PTPRN2: variants seen among roughly 807,000 people sequenced by gnomAD.
PTPRN2 encodes receptor-type tyrosine-protein phosphatase N2.
A neutral mutation model predicts 118.8 loss-of-function variants in PTPRN2; 74 were observed. The observed-to-expected ratio is 0.62, with a 90% CI of 0.52 to 0.76. The LOEUF (loss-of-function observed/expected upper bound fraction) is 0.76, where lower values mean the gene tolerates loss of function less well. Ranked by LOEUF, PTPRN2 falls within the 30% of genes least tolerant of loss-of-function variation. PTPRN2 has a pLI of 0.00. For missense variants in PTPRN2, 1,481 were observed against 1,394.4 expected (o/e 1.06, Z -0.99); for synonymous variants, 641 against 608.0 (o/e 1.05, Z -0.80).
intron 9 of PTPRN2, among the ~76,000 whole-genome samples, chr7:158,124,875 G>A (rs1424524976): frequency 1.3e-5 from 2 of 152,206 alleles, no homozygotes; most frequent in Admixed American, 6.5e-5. Flanking sequence ...TGGTTTTGTC[G>A]AGTCCTCTTT....
Position 158,102,912 on chromosome 7 carries a change from C to T in PTPRN2, c.1643+7917G>A, listed in dbSNP as rs1180024769. 2.6e-5 allele frequency among the ~76,000 whole-genome samples: 4 copies of T among 152,166 alleles called. No individual in the cohort carries two copies. In the East Asian group the frequency reaches 7.7e-4, roughly 29 times the overall value. On this transcript the variant is annotated intron_variant, in intron 10 of 22. Coordinates refer to ENST00000389418, the MANE Select transcript of PTPRN2 (RefSeq NM_002847.5). The stretch of plus-strand genomic sequence containing the variant: ...CTGCAGACCCGGGAGGACACACCCC[C>T]AGGACAGTACCTCATGCTCCTCAGC...
intron 3 of PTPRN2, among the ~76,000 whole-genome samples, chr7:158,272,875 A>G (rs1228426703): frequency 2.0e-5 from 3 of 152,178 alleles, no homozygotes. Flanking sequence ...GGAGGAAGCT[A>G]CAGTCAATAG....
At chr7:158,113,850 C>G (rs73512359) in intron 9 of PTPRN2, among the ~76,000 whole-genome samples, 1 of 152,076 alleles carries the variant, frequency 6.6e-6, no homozygotes, top group African/African-American at 2.4e-5. Flanking sequence ...CGTAGCAATC[C>G]GGGACCAGCT....
chr7:157,986,313 C>T lies in PTPRN2; in HGVS notation c.1724-87576G>A, dbSNP rs968952500. 4.6e-5 allele frequency among the ~76,000 whole-genome samples: 7 copies of T among 152,328 alleles called. No homozygotes were observed. Among genetic ancestry groups the T allele is most frequent in the South Asian group, 2.1e-4 (1 of 4,818 alleles). On this transcript the variant is annotated intron_variant, in intron 11 of 22. Coordinates refer to ENST00000389418, the MANE Select transcript of PTPRN2 (RefSeq NM_002847.5). The surrounding 1 kb of genome is among the most constrained non-coding windows in gnomAD (Gnocchi z 4.5). Reference sequence around the variant, plus strand: ...CAAGACTGCCAAGCGGATGAGGCTTCGCTTTAGGACCATGGACTCTGGCGG... The same window carrying T: ...CAAGACTGCCAAGCGGATGAGGCTTTGCTTTAGGACCATGGACTCTGGCGG...
chr7:158,284,905 C>G (rs1037595384), intron 3 of PTPRN2, among the ~76,000 whole-genome samples: 1 of 152,240 alleles, frequency 6.6e-6, no homozygotes, highest in African/African-American at 2.4e-5. Flanking sequence ...GGCTGGCACA[C>G]GCCGCCTGCC....
At chr7:158,241,308 A>G (rs1382439099) in intron 3 of PTPRN2, among the ~76,000 whole-genome samples, 1 of 152,188 alleles carries the variant, frequency 6.6e-6, no homozygotes, top group Non-Finnish European at 1.5e-5. Flanking sequence ...TGAGGTTAGG[A>G]GTTCAAGACC....
intron 17 of PTPRN2, among the ~76,000 whole-genome samples, chr7:157,586,358 C>A (rs144083748): frequency 6.6e-6 from 1 of 152,328 alleles, no homozygotes; most frequent in South Asian, 2.1e-4. Context: ...GATCCACAGA[C>A]GGTTCCCTCT....
intron 10 of PTPRN2, among the ~76,000 whole-genome samples, chr7:158,100,773 C>T (rs925275352): frequency 1.3e-5 from 2 of 152,216 alleles, no homozygotes; most frequent in South Asian, 2.1e-4. Context: ...AATGTGAGTT[C>T]TTTGTAGAGT....
chr7:158,401,936 C>T (rs1205330165), intron 2 of PTPRN2, among the ~76,000 whole-genome samples: 1 of 152,160 alleles, frequency 6.6e-6, no homozygotes, highest in Admixed American at 6.5e-5. Flanking sequence ...TCCATCCAGA[C>T]CGCCAGTCAA....
Position 157,676,871 on chromosome 7 carries a change from GC to G in PTPRN2, c.2001+5853del, listed in dbSNP as rs1796693559. Among the ~76,000 whole-genome samples the G allele has an allele frequency of 6.6e-6, 1 of 152,122 alleles. No individual in the cohort carries two copies. The highest frequency in any genetic ancestry group is 6.5e-5 in the Admixed American group (1 of 15,272). ...AGGGGTCACCCCAGGAGCGACCCTG[GC>G]TTTGACGAGAAGGAAGTGTTCTCTG... On this transcript the variant is annotated intron_variant, in intron 13 of 22. Transcript: ENST00000389418. This position sits in a 1 kb window ranked among gnomAD's most constrained non-coding sequence, Gnocchi z 5.6.
At chr7:157,754,015 C>T (rs889062522) in intron 12 of PTPRN2, among the ~76,000 whole-genome samples, 5 of 152,248 alleles carry the variant, frequency 3.3e-5, no homozygotes, top group African/African-American at 9.6e-5. Context: ...TCCCCGCTCC[C>T]CTATCTGAAG....
intron 5 of PTPRN2, 99 bp from the exon 6 acceptor site, chr7:158,167,390 A>C: frequency 1.4e-6 from 2 of 1,427,796 alleles, no homozygotes; most frequent in African/African-American, 2.8e-5. Context: ...GGTCCTAAAC[A>C]GCCCTGGGGG....
At chr7:158,307,092 C>T (rs1563112508) in intron 3 of PTPRN2, among the ~76,000 whole-genome samples, 2 of 152,040 alleles carry the variant, frequency 1.3e-5, no homozygotes, top group African/African-American at 4.8e-5. Flanking sequence ...GTCTTGAACT[C>T]CTGACCTCAA....
At chr7:158,270,771 T>TCACCTGGACCGCCCCC (rs1798286407) in intron 3 of PTPRN2, among the ~76,000 whole-genome samples, 2 of 100,862 alleles carry the variant, frequency 2.0e-5, no homozygotes, top group Non-Finnish European at 4.0e-5. Context: ...GACCACCCCG[T>TCACCTGGACCGCCCCC]CCACCTGGAC....
intron 11 of PTPRN2, chr7:158,029,146 G>T (rs1160817699): frequency 6.6e-6 from 1 of 151,928 alleles, no homozygotes; most frequent in African/African-American, 2.4e-5. Flanking sequence ...TGGGCACGGG[G>T]TCCGTATCCA....
intron 11 of PTPRN2, among the ~76,000 whole-genome samples, chr7:158,018,966 C>CAAAAAAAAAAAAAAA (rs753498681): frequency 2.3e-4 from 15 of 65,782 alleles, no homozygotes; most frequent in African/African-American, 3.1e-4. Flanking sequence ...GTTTCAAAAA[C>CAAAAAAAAAAAAAAA]AAAAAAAAAA....
At chr7:158,238,516 C>T (rs1371709991) in intron 3 of PTPRN2, among the ~76,000 whole-genome samples, 1 of 152,184 alleles carries the variant, frequency 6.6e-6, no homozygotes, top group Admixed American at 6.5e-5. Flanking sequence ...TTCACGGTTT[C>T]TGTATCACCC....
chr7:158,304,991 C>A (rs376258221), intron 3 of PTPRN2, among the ~76,000 whole-genome samples: 2 of 152,200 alleles, frequency 1.3e-5, no homozygotes, highest in South Asian at 2.1e-4. Flanking sequence ...ACTTCCATTT[C>A]TTTCAGGGCC....
intron 12 of PTPRN2, among the ~76,000 whole-genome samples, chr7:157,782,809 G>T (rs772980752): frequency 6.6e-6 from 1 of 152,246 alleles, no homozygotes; most frequent in African/African-American, 2.4e-5. Flanking sequence ...TAAAGGCTTT[G>T]CTCTCTTTCC....
Sources: allele counts gnomAD v4.1 joint callset (sites outside exome capture counted in the v4.1 genomes callset), GRCh38; gene constraint gnomAD v4.1.1; non-coding constraint Gnocchi (gnomAD v3.1); transcripts MANE v1.5; gene names NCBI Gene and HGNC (gene_info 2026-07-23, HGNC 2026-07-21).